ZNF292: variants seen among roughly 807,000 people sequenced by gnomAD.
ZNF292 encodes the protein 16 zinc-finger domain protein.
Under a neutral mutation model 217.9 loss-of-function variants are expected in ZNF292, and 26 were observed. That is an observed-to-expected ratio of 0.12 (90% confidence interval 0.09 to 0.17). The LOEUF (loss-of-function observed/expected upper bound fraction) is 0.17, where lower values mean the gene tolerates loss of function less well. Among genes scored for constraint, ZNF292 ranks in the 10% least tolerant of loss-of-function variants. The pLI is 1.00. For missense variants in ZNF292, 2,904 were observed against 3,175.2 expected (o/e 0.91, Z 2.05); for synonymous variants, 1,257 against 1,124.1 (o/e 1.12, Z -2.37).
At chr6:87,237,195 A>G (rs1399025678) in intron 5 of ZNF292, among the ~76,000 whole-genome samples, 3 of 152,150 alleles carry the variant, frequency 2.0e-5, no homozygotes, top group East Asian at 1.9e-4. Flanking sequence ...TATTTTCTAT[A>G]TGGAAAGCAA....
In ZNF292 at chr6:87,243,598, A is replaced by G. The variant is rs367885052; in HGVS notation, c.865A>G (p.Met289Val). Residue 289 changes from methionine to valine, a missense_variant, in exon 6 of 8, where the codon ATG becomes GTG. Coordinates refer to ENST00000369577, the MANE Select transcript of ZNF292 (RefSeq NM_015021.3). Reference protein sequence around the residue: ...FLSRQLQQGDMYCAWELTLFW... With the variant: ...FLSRQLQQGDVYCAWELTLFW... The stretch of plus-strand genomic sequence containing the variant: ...GTCACGTCAGCTCCAACAAGGAGAT[A>G]TGTACTGCGCTTGGTGAGTTGATCT... The G allele has an allele frequency of 6.5e-7, 1 of 1,536,836 alleles. No individual in the cohort carries two copies. The highest frequency in any genetic ancestry group is 1.3e-5 in the South Asian group (1 of 79,274).
chr6:87,157,580 G>C (rs1770586616), intron 1 of ZNF292, among the ~76,000 whole-genome samples: 1 of 152,150 alleles, frequency 6.6e-6, no homozygotes, highest in Non-Finnish European at 1.5e-5. Context: ...AGCAGTATTT[G>C]TAAGCAGGAT....
chr6:87,251,085 C>T (rs568605549), intron 7 of ZNF292, among the ~76,000 whole-genome samples: 44 of 151,746 alleles, frequency 2.9e-4, no homozygotes, highest in Non-Finnish European at 6.2e-4. Context: ...TTCCTAGTCA[C>T]AGAAAAAAAC....
intron 1 of ZNF292, among the ~76,000 whole-genome samples, chr6:87,189,352 A>G (rs1771759678): frequency 6.6e-6 from 1 of 152,110 alleles, no homozygotes. Context: ...CAGATCTTAT[A>G]TTCACATAGT....
chr6:87,222,544 T>C (rs1181112291), intron 4 of ZNF292, among the ~76,000 whole-genome samples: 1 of 152,142 alleles, frequency 6.6e-6, no homozygotes, highest in Non-Finnish European at 1.5e-5. Context: ...TCTGACCTAA[T>C]TTATTTTTTA....
At chr6:87,201,593 G>A (rs970347814) in intron 1 of ZNF292, among the ~76,000 whole-genome samples, 5 of 152,014 alleles carry the variant, frequency 3.3e-5, no homozygotes, top group Admixed American at 1.3e-4. Context: ...TAGTAGAGAC[G>A]AGGTTTCTCC....
In ZNF292 at chr6:87,257,469, T is replaced by G; in HGVS notation, c.3840T>G (p.Asp1280Glu). ...SSMSLFPSPADSGTNSVFSQL... is the reference protein window; with the variant it reads ...SSMSLFPSPAESGTNSVFSQL... Reference sequence around the variant, plus strand: ...TGTCTCTCTTCCCTTCACCAGCAGATAGTGGGACTAATTCTGTTTTTTCCC... The same window carrying G: ...TGTCTCTCTTCCCTTCACCAGCAGAGAGTGGGACTAATTCTGTTTTTTCCC... Residue 1280 changes from aspartate (D) to glutamate (E), a missense_variant, in exon 8 of 8, where the codon GAT (aspartate) becomes GAG (glutamate). This residue lies in a region of ZNF292 where 687 missense variants were observed against 623.0 expected (regional missense o/e 1.10). Coordinates refer to ENST00000369577, the MANE Select transcript of ZNF292 (RefSeq NM_015021.3). The G allele has an allele frequency of 6.2e-7, 1 of 1,613,114 alleles. No homozygotes were observed. Among genetic ancestry groups the G allele is most frequent in the Non-Finnish European group, 8.5e-7 (1 of 1,179,546 alleles).
rs3812131 is a variant in ZNF292 at position 87,260,672 on chromosome 6, T to G, written c.7043T>G (p.Ile2348Ser). ...KNNLENKNAK[I>S]VQIEENKPYS... is the part of the protein sequence containing the mutation. Reference sequence around the variant, plus strand: ...AATTTAGAAAACAAGAATGCAAAGATTGTGCAGATTGAAGAAAATAAGCCT... The same window carrying G: ...AATTTAGAAAACAAGAATGCAAAGAGTGTGCAGATTGAAGAAAATAAGCCT... Residue 2348 changes from isoleucine (I) to serine (S), a missense_variant, in exon 8 of 8, where the codon ATT (isoleucine) becomes AGT (serine). Ile to Ser is a moderately radical substitution (Grantham distance 142). Transcript: ENST00000369577. The G allele has an allele frequency of 1.5e-4, 246 of 1,612,392 alleles. 1 individual carries two copies. In the East Asian group the frequency reaches 5.3e-3, roughly 35 times the overall value.
chr6:87,205,965 A>T (rs1001723729), intron 1 of ZNF292, among the ~76,000 whole-genome samples: 1 of 152,218 alleles, frequency 6.6e-6, no homozygotes, highest in African/African-American at 2.4e-5. Flanking sequence ...TCGCTCACTC[A>T]TCTGAGGTCT....
intron 1 of ZNF292, among the ~76,000 whole-genome samples, chr6:87,192,301 G>A (rs575801235): frequency 1.3e-5 from 2 of 151,728 alleles, no homozygotes; most frequent in African/African-American, 4.8e-5. Flanking sequence ...TAGAGCTACT[G>A]GAACAATTCT....
chr6:87,228,073 G>T (rs188317713), intron 4 of ZNF292, among the ~76,000 whole-genome samples: 12 of 152,204 alleles, frequency 7.9e-5, no homozygotes, highest in Admixed American at 7.2e-4. Context: ...TTGTACGAAG[G>T]TTCCAGTTAA....
At chr6:87,254,017 C>T (rs890419748) in intron 7 of ZNF292, among the ~76,000 whole-genome samples, 5 of 152,318 alleles carry the variant, frequency 3.3e-5, no homozygotes, top group South Asian at 2.1e-4. Context: ...AATTCTTAAG[C>T]TGGTCCAGCC....
At chr6:87,206,273 T>TACTCCAAAGTCAAAGTACTCCAAA (rs1332623737) in intron 1 of ZNF292, among the ~76,000 whole-genome samples, 1 of 152,194 alleles carries the variant, frequency 6.6e-6, no homozygotes, top group Non-Finnish European at 1.5e-5. Context: ...CAAAGTCATG[T>TACTCCAAAGTCAAAGTACTCCAAA]GACAAAGGAC....
chr6:87,171,820 A>G (rs144098284), intron 1 of ZNF292, among the ~76,000 whole-genome samples: 92 of 152,298 alleles, frequency 6.0e-4, no homozygotes, highest in African/African-American at 2.2e-3. Flanking sequence ...TGTCTGGCAC[A>G]TCTACTTGTA....
chr6:87,222,760 T>C (rs1231130346), intron 4 of ZNF292: 1 of 450,390 alleles, frequency 2.2e-6, no homozygotes, highest in African/African-American at 2.0e-5. Flanking sequence ...ATGTCCTTTT[T>C]CTATTCCAGG....
rs1299993978 is a variant in ZNF292 at position 87,265,578 on chromosome 6, T to C, written c.*3777T>C. On this transcript the variant is annotated 3_prime_UTR_variant, in exon 8 of 8. Coordinates refer to ENST00000369577, the MANE Select transcript of ZNF292 (RefSeq NM_015021.3). ...AAAGACAAAAGTTCTACTGTAAATA[T>C]GTAAAAAGTTGAAAGGGAATTTTCC... 6.6e-6 allele frequency among the ~76,000 whole-genome samples: 1 copy of C among 152,230 alleles called. No homozygotes were observed. Among genetic ancestry groups the C allele is most frequent in the African/African-American group, 2.4e-5 (1 of 41,474 alleles).
intron 1 of ZNF292, chr6:87,215,004 A>G (rs188556673): frequency 2.0e-5 from 3 of 152,022 alleles, no homozygotes; most frequent in Non-Finnish European, 2.9e-5. Context: ...CTAGGAAAAG[A>G]AACCTGAATT....
intron 1 of ZNF292, among the ~76,000 whole-genome samples, chr6:87,201,635 C>T (rs531892775): frequency 3.9e-5 from 6 of 152,240 alleles, no homozygotes; most frequent in African/African-American, 1.2e-4. Flanking sequence ...AACCCCCGAC[C>T]TCAAGTGATC....
chr6:87,176,331 C>T (rs1319292684), intron 1 of ZNF292, among the ~76,000 whole-genome samples: 1 of 152,166 alleles, frequency 6.6e-6, no homozygotes, highest in Non-Finnish European at 1.5e-5. Context: ...CAGGTAGGAT[C>T]TAATGGTAAT....
Sources: allele counts gnomAD v4.1 joint callset (sites outside exome capture counted in the v4.1 genomes callset), GRCh38; gene constraint gnomAD v4.1.1; regional missense constraint gnomAD v4.1.1; transcripts MANE v1.5; gene names NCBI Gene and HGNC (gene_info 2026-07-23, HGNC 2026-07-21).